CAPN7: variants seen among roughly 807,000 people sequenced by gnomAD.
CAPN7 encodes the protein calpain-7.
CAPN7 carries 72 observed loss-of-function variants against 115.2 expected under a neutral mutation model. The ratio of observed to expected loss-of-function variants is 0.63; its 90% CI spans 0.52 to 0.76. CAPN7 has a LOEUF of 0.76. Ranked by LOEUF, CAPN7 falls within the 30% of genes least tolerant of loss-of-function variation. The pLI is 0.00. For missense variants in CAPN7, 905 were observed against 971.5 expected (o/e 0.93, Z 0.91); for synonymous variants, 344 against 322.3 (o/e 1.07, Z -0.72).
In CAPN7 at chr3:15,251,030, T is replaced by A. The variant is rs754815051; in HGVS notation, c.2297+7T>A. ...AATCTAGTGGTGACTATAGGTAATG[T>A]TGGCATTTTTATTGTATCTATTTTA... On this transcript the variant is annotated splice_region_variant and intron_variant, in intron 20 of 20. Transcript: ENST00000253693. The A allele has an allele frequency of 1.3e-5, 21 of 1,607,836 alleles. No homozygotes were observed. Among genetic ancestry groups the A allele is most frequent in the Non-Finnish European group, 1.8e-5 (21 of 1,175,252 alleles).
chr3:15,211,958 A>G (rs898812632), intron 1 of CAPN7, 146 bp from the exon 2 acceptor site: 3 of 467,060 alleles, frequency 6.4e-6, no homozygotes, highest in Admixed American at 4.1e-5. Flanking sequence ...TTGTATAACT[A>G]CTTTATGAAA....
intron 1 of CAPN7, among the ~76,000 whole-genome samples, chr3:15,211,301 C>G (rs894320552): frequency 1.2e-4 from 18 of 152,066 alleles, no homozygotes; most frequent in African/African-American, 4.3e-4. Flanking sequence ...GAATTACTTG[C>G]AATCAGTTCA....
At position 15,242,165 on chromosome 3, in the gene CAPN7, T is replaced by C. The variant is rs1161157345; in HGVS notation, c.1789-13T>C. The C allele has an allele frequency of 6.4e-7, 1 of 1,574,668 alleles. No individual in the cohort carries two copies. The highest frequency in any genetic ancestry group is 8.7e-7 in the Non-Finnish European group (1 of 1,154,600). ...CCCATTTTCTAACCACATTGGATTC[T>C]TTGTGATTTTAGGATGATTTTGCGA... On this transcript the variant is annotated splice_polypyrimidine_tract_variant and intron_variant, in intron 15 of 20. Coordinates refer to ENST00000253693, the MANE Select transcript of CAPN7 (RefSeq NM_014296.3).
chr3:15,244,201 C>T (rs1695523505), intron 16 of CAPN7, among the ~76,000 whole-genome samples: 1 of 152,112 alleles, frequency 6.6e-6, no homozygotes, highest in African/African-American at 2.4e-5. Context: ...GCATTCTTCC[C>T]TATTACAATG....
intron 2 of CAPN7, among the ~76,000 whole-genome samples, chr3:15,217,077 A>G (rs1412881527): frequency 7.2e-6 from 1 of 138,082 alleles, no homozygotes; most frequent in Non-Finnish European, 1.5e-5. Context: ...ATCTCTACAA[A>G]AAAAAAAAAA....
At chr3:15,239,945 A>G (rs1321320075) in intron 12 of CAPN7, among the ~76,000 whole-genome samples, 4 of 152,236 alleles carry the variant, frequency 2.6e-5, no homozygotes, top group African/African-American at 9.7e-5. Flanking sequence ...TTTAGAGGCA[A>G]AATTGAATAA....
At chr3:15,208,576 G>A (rs575761357) in intron 1 of CAPN7, among the ~76,000 whole-genome samples, 1 of 151,818 alleles carries the variant, frequency 6.6e-6, no homozygotes, top group East Asian at 1.9e-4. Flanking sequence ...AATTACAGGC[G>A]TGAGCCTCTG....
chr3:15,210,772 T>A, intron 1 of CAPN7: 3 of 1,289,152 alleles, frequency 2.3e-6, no homozygotes, highest in Non-Finnish European at 3.0e-6. Flanking sequence ...TTGCCCAGGC[T>A]GAAAACTGCA....
chr3:15,232,192 C>T, intron 9 of CAPN7: 1 of 367,326 alleles, frequency 2.7e-6, no homozygotes, highest in Non-Finnish European at 5.1e-6. Flanking sequence ...TGTCAGTGAT[C>T]AAGAAGTCTT....
At chr3:15,243,685 G>A (rs979251129) in intron 16 of CAPN7, among the ~76,000 whole-genome samples, 5 of 151,344 alleles carry the variant, frequency 3.3e-5, no homozygotes, top group African/African-American at 1.2e-4. Flanking sequence ...TGATGTTTGA[G>A]AAATCAAATG....
chr3:15,233,278 A>AC (rs1386324645), intron 10 of CAPN7, among the ~76,000 whole-genome samples: 2 of 152,232 alleles, frequency 1.3e-5, no homozygotes, highest in African/African-American at 2.4e-5. Flanking sequence ...TATGCAAATC[A>AC]CCCATCATTC....
intron 14 of CAPN7, 68 bp from the exon 15 acceptor site, chr3:15,241,385 A>G: frequency 1.3e-6 from 2 of 1,483,352 alleles, no homozygotes; most frequent in Non-Finnish European, 1.8e-6. Context: ...TCACTTTTTG[A>G]AATAGTGTTA....
chr3:15,249,470 T>C (rs1559414673), intron 19 of CAPN7, among the ~76,000 whole-genome samples: 1 of 152,232 alleles, frequency 6.6e-6, no homozygotes, highest in Non-Finnish European at 1.5e-5. Flanking sequence ...CATTTTGCTG[T>C]GGACAGGAAC....
intron 11 of CAPN7, 112 bp from the exon 12 acceptor site, chr3:15,234,913 G>GGGTA: frequency 1.3e-6 from 1 of 745,372 alleles, no homozygotes; most frequent in South Asian, 2.7e-5. Flanking sequence ...AATTCTTCAG[G>GGGTA]GGTAGGAACA....
At chr3:15,221,157 ATATAT>A (rs1386988595) in intron 5 of CAPN7, 176 bp downstream of exon 5, 19 of 489,350 alleles carry the variant, frequency 3.9e-5, no homozygotes, top group African/African-American at 1.8e-4. Flanking sequence ...TTTAGTTCTG[ATATAT>A]TTTATTTTAT....
chr3:15,241,608 G>A lies in CAPN7; in HGVS notation c.1788+20G>A. 1 of 1,603,732 alleles carries A rather than the reference G, an allele frequency of 6.2e-7. No homozygotes were observed. Among genetic ancestry groups the A allele is most frequent in the Non-Finnish European group, 8.5e-7 (1 of 1,174,472 alleles). On this transcript the variant is annotated intron_variant, in intron 15 of 20. Transcript: ENST00000253693. Reference sequence around the variant, plus strand: ...GACAAGGTACTGATACCCTTCTAATGATATCCCATACAGAAATTTTTTTAA... The same window carrying A: ...GACAAGGTACTGATACCCTTCTAATAATATCCCATACAGAAATTTTTTTAA...
intron 19 of CAPN7, among the ~76,000 whole-genome samples, chr3:15,249,767 T>G (rs1695892103): frequency 6.6e-6 from 1 of 151,800 alleles, no homozygotes; most frequent in Non-Finnish European, 1.5e-5. Flanking sequence ...ATAACAATTT[T>G]TTTTTTCTTT....
At position 15,247,351 on chromosome 3, in the gene CAPN7, A is replaced by T. The variant is rs780591826; in HGVS notation, c.2098A>T (p.Ser700Cys). The T allele has an allele frequency of 9.4e-6, 15 of 1,596,972 alleles. No individual in the cohort carries two copies. ...GATTAATGGAAAGTGGAGTGGTCAG[A>T]GTGCTGGAGGATGTGGAAATTTCCA... ...KRINGKWSGQ[S>C]AGGCGNFQET... Residue 700 changes from serine (S) to cysteine (C), a missense_variant, in exon 19 of 21, where the codon AGT (serine) becomes TGT (cysteine). Ser to Cys is a moderately radical substitution (Grantham distance 112, BLOSUM62 -1). Transcript: ENST00000253693.
At chr3:15,218,357 T>G in intron 3 of CAPN7, 116 bp from the exon 4 acceptor site, 1 of 688,700 alleles carries the variant, frequency 1.5e-6, no homozygotes, top group South Asian at 1.8e-5. Flanking sequence ...CATCTTTGTT[T>G]GTTCTCAATT....
Sources: allele counts gnomAD v4.1 joint callset (sites outside exome capture counted in the v4.1 genomes callset), GRCh38; gene constraint gnomAD v4.1.1; transcripts MANE v1.5; gene names NCBI Gene and HGNC (gene_info 2026-07-23, HGNC 2026-07-21).